The following IGSF11 variants were observed in gnomAD, a reference collection of about 807,000 sequenced individuals.
The protein encoded by IGSF11 is CXADR like 1.
Under a neutral mutation model 41.0 loss-of-function variants are expected in IGSF11, and 22 were observed. The ratio of observed to expected loss-of-function variants is 0.54; its 90% CI spans 0.38 to 0.77. The LOEUF is 0.77. IGSF11 is among the 30% of genes least tolerant of loss of function. IGSF11 has a pLI of 0.00. For missense variants in IGSF11, 444 were observed against 530.8 expected (o/e 0.84, Z 1.61); for synonymous variants, 219 against 201.3 (o/e 1.09, Z -0.74).
At chr3:118,969,403 A>G (rs1040270946) in intron 1 of IGSF11, among the ~76,000 whole-genome samples, 1 of 152,194 alleles carries the variant, frequency 6.6e-6, no homozygotes, top group Non-Finnish European at 1.5e-5. Context: ...GAAGTCTCCC[A>G]GTAGACACTA....
At chr3:119,112,913 A>AG (rs1483046791) in intron 1 of IGSF11, 2 of 152,410 alleles carry the variant, frequency 1.3e-5, no homozygotes, top group African/African-American at 4.8e-5. Context: ...ATGGCAGAGG[A>AG]GGCCTCAGGA....
At chr3:119,021,160 T>C (rs1939247348) in intron 1 of IGSF11, among the ~76,000 whole-genome samples, 1 of 152,184 alleles carries the variant, frequency 6.6e-6, no homozygotes, top group Non-Finnish European at 1.5e-5. Flanking sequence ...CCTTATACAA[T>C]ACAAATGTAG....
intron 1 of IGSF11, among the ~76,000 whole-genome samples, chr3:119,017,912 A>AC (rs1192743724): frequency 1.3e-5 from 2 of 148,934 alleles, no homozygotes; most frequent in African/African-American, 5.0e-5. Context: ...CCTCCCTAGT[A>AC]CCTGGGATTA....
At chr3:118,958,854 G>C (rs1010178787) in intron 1 of IGSF11, among the ~76,000 whole-genome samples, 4 of 152,254 alleles carry the variant, frequency 2.6e-5, no homozygotes, top group Middle Eastern at 3.4e-3. Flanking sequence ...ATTTATTAAG[G>C]GTGAGTTTTG....
intron 3 of IGSF11, among the ~76,000 whole-genome samples, chr3:118,928,054 A>G (rs934927703): frequency 4.6e-5 from 7 of 152,210 alleles, no homozygotes; most frequent in African/African-American, 9.6e-5. Context: ...TATTATTACA[A>G]TTATGCCAGG....
intron 1 of IGSF11, among the ~76,000 whole-genome samples, chr3:118,963,220 T>C (rs1048516734): frequency 1.3e-4 from 20 of 152,180 alleles, no homozygotes; most frequent in Admixed American, 1.1e-3. Flanking sequence ...AACTCAACAC[T>C]ATGTATCCTA....
chr3:119,048,307 A>G (rs1444067423), intron 1 of IGSF11, among the ~76,000 whole-genome samples: 2 of 151,994 alleles, frequency 1.3e-5, no homozygotes, highest in Non-Finnish European at 2.9e-5. Context: ...AAAAAATGAT[A>G]AAGGGGATAT....
intron 4 of IGSF11, among the ~76,000 whole-genome samples, chr3:118,909,746 G>T (rs984403731): frequency 2.5e-4 from 38 of 152,176 alleles, no homozygotes; most frequent in African/African-American, 8.9e-4. Flanking sequence ...TTTTGGTTTG[G>T]CATTGAAACA....
intron 1 of IGSF11, among the ~76,000 whole-genome samples, chr3:119,016,388 T>C (rs142220311): frequency 6.6e-6 from 1 of 152,206 alleles, no homozygotes; most frequent in Non-Finnish European, 1.5e-5. Context: ...TTTATGGTAA[T>C]TTATTATTCA....
intron 1 of IGSF11, among the ~76,000 whole-genome samples, chr3:119,009,545 C>A (rs1052329452): frequency 2.6e-5 from 4 of 152,166 alleles, no homozygotes; most frequent in Non-Finnish European, 1.5e-5. Flanking sequence ...ACTTGCTTTT[C>A]CCTCACCTTC....
chr3:119,021,365 C>A (rs1429624421), intron 1 of IGSF11, among the ~76,000 whole-genome samples: 2 of 151,908 alleles, frequency 1.3e-5, no homozygotes, highest in African/African-American at 4.8e-5. Flanking sequence ...ATGGTGACAA[C>A]AGAGGAAGAG....
chr3:118,994,733 C>G (rs1419151824), intron 1 of IGSF11, among the ~76,000 whole-genome samples: 1 of 152,150 alleles, frequency 6.6e-6, no homozygotes, highest in Non-Finnish European at 1.5e-5. Context: ...GATACATATG[C>G]CCATGGTTCC....
intron 1 of IGSF11, 78 bp from the exon 2 acceptor site, chr3:118,930,353 TTTATG>T: frequency 5.8e-6 from 8 of 1,387,688 alleles, no homozygotes; most frequent in Non-Finnish European, 7.8e-6. Context: ...GTTTGCGTGT[TTTATG>T]TTATCACATT....
At chr3:119,033,998 T>G (rs1940667265) in intron 1 of IGSF11, among the ~76,000 whole-genome samples, 1 of 152,278 alleles carries the variant, frequency 6.6e-6, no homozygotes, top group African/African-American at 2.4e-5. Context: ...AGCTAGAGTG[T>G]AAATAAATTC....
chr3:118,953,656 G>C (rs564352886), intron 1 of IGSF11, among the ~76,000 whole-genome samples: 1 of 152,198 alleles, frequency 6.6e-6, no homozygotes, highest in African/African-American at 2.4e-5. Flanking sequence ...AATCATTAGT[G>C]ATGTTGAGCA....
intron 1 of IGSF11, among the ~76,000 whole-genome samples, chr3:118,978,250 C>T (rs1037716956): frequency 2.6e-5 from 4 of 152,168 alleles, no homozygotes; most frequent in African/African-American, 9.7e-5. Context: ...GCTATTACCA[C>T]CAGAGCCGGC....
At chr3:119,111,232 C>T (rs1023604275) in intron 1 of IGSF11, among the ~76,000 whole-genome samples, 1 of 152,234 alleles carries the variant, frequency 6.6e-6, no homozygotes, top group Non-Finnish European at 1.5e-5. Flanking sequence ...GTACACCAAT[C>T]AGACGTAGAT....
At chr3:118,983,799 C>T (rs1040099934) in intron 1 of IGSF11, among the ~76,000 whole-genome samples, 2 of 152,202 alleles carry the variant, frequency 1.3e-5, no homozygotes, top group Admixed American at 1.3e-4. Flanking sequence ...ATAGTAGATG[C>T]AAATCCCACT....
chr3:119,122,145 G>A (rs1206178369), intron 1 of IGSF11, among the ~76,000 whole-genome samples: 2 of 152,150 alleles, frequency 1.3e-5, no homozygotes, highest in African/African-American at 4.8e-5. Context: ...TCTGAAAGAG[G>A]CACTGAAAAG....
Sources: allele counts gnomAD v4.1 joint callset (sites outside exome capture counted in the v4.1 genomes callset), GRCh38; gene constraint gnomAD v4.1.1; transcripts MANE v1.5; gene names NCBI Gene and HGNC (gene_info 2026-07-23, HGNC 2026-07-21).